The following PUDP variants were observed in gnomAD, a reference collection of about 807,000 sequenced individuals.
PUDP encodes the protein pseudouridine-5'-phosphatase.
Under a neutral mutation model 9.4 loss-of-function variants are expected in PUDP, and 8 were observed. The observed-to-expected ratio is 0.85, with a 90% CI of 0.50 to 1.53. The LOEUF (loss-of-function observed/expected upper bound fraction) is 1.53, where lower values mean the gene tolerates loss of function less well. PUDP is among the 40% of genes most tolerant of loss of function. The pLI, the probability that PUDP is intolerant of heterozygous loss-of-function variation, is 0.00. For missense variants in PUDP, 188 were observed against 189.7 expected (o/e 0.99, Z 0.05); for synonymous variants, 99 against 80.7 (o/e 1.23, Z -1.22).
intron 1 of PUDP, among the ~76,000 whole-genome samples, chrX:7,144,663 C>G (rs1379184248): frequency 1.8e-5 from 2 of 111,294 alleles, no homozygotes; most frequent in African/African-American, 6.5e-5. Context: ...CAAAAAGGCA[C>G]AGAAGAGGTC....
At chrX:6,752,457 G>A (rs367859285) in intron 3 of PUDP, among the ~76,000 whole-genome samples, 30 of 111,938 alleles carry the variant, frequency 2.7e-4, no homozygotes, top group African/African-American at 8.4e-4. Context: ...GCCTGATCCA[G>A]GCTGTCCTTT....
intron 3 of PUDP, among the ~76,000 whole-genome samples, chrX:6,741,758 C>A (rs1202575474): frequency 1.8e-5 from 2 of 111,188 alleles, no homozygotes; most frequent in East Asian, 5.6e-4. Context: ...ATTTTTTCTC[C>A]TCAAAGTAGA....
intron 3 of PUDP, among the ~76,000 whole-genome samples, chrX:6,853,962 T>C (rs1926867367): frequency 9.0e-6 from 1 of 110,683 alleles, no homozygotes; most frequent in African/African-American, 3.3e-5. Flanking sequence ...TGGGGTTTTG[T>C]CATGTTGCCC....
chrX:6,707,422 C>T (rs1924483331), intron 1 of PUDP, among the ~76,000 whole-genome samples: 1 of 111,780 alleles, frequency 8.9e-6, no homozygotes, highest in Admixed American at 9.6e-5. Flanking sequence ...ATTATTATTA[C>T]ATTGTAATAT....
intron 3 of PUDP, among the ~76,000 whole-genome samples, chrX:6,905,848 T>A (rs1040748966): frequency 5.4e-5 from 6 of 111,692 alleles, no homozygotes; most frequent in African/African-American, 2.0e-4. Flanking sequence ...AATAAAAACA[T>A]TGCAATGATA....
chrX:7,103,895 T>C (rs1319065800), intron 2 of PUDP, among the ~76,000 whole-genome samples: 2 of 111,857 alleles, frequency 1.8e-5, no homozygotes, highest in African/African-American at 6.5e-5. Context: ...ATCCAGGAAA[T>C]GGCAAGAGTT....
intron 3 of PUDP, among the ~76,000 whole-genome samples, chrX:6,925,149 T>C (rs1039684383): frequency 2.7e-5 from 3 of 112,377 alleles, no homozygotes; most frequent in Non-Finnish European, 5.6e-5. Context: ...ACCTTGTCTC[T>C]ACTAAAAATA....
At chrX:7,027,374 G>A (rs139089740) in intron 1 of PUDP, among the ~76,000 whole-genome samples, 46 of 110,411 alleles carry the variant, frequency 4.2e-4, no homozygotes, top group African/African-American at 1.5e-3. Context: ...ATGTACGCAG[G>A]TGTCTTCTAA....
intron 3 of PUDP, among the ~76,000 whole-genome samples, chrX:6,914,808 T>C (rs1383686651): frequency 1.8e-5 from 2 of 112,671 alleles, no homozygotes; most frequent in East Asian, 2.8e-4. Flanking sequence ...CTAAATGAAA[T>C]AGAGCCCAAT....
intron 1 of PUDP, among the ~76,000 whole-genome samples, chrX:6,715,554 T>A (rs1202947647): frequency 8.9e-6 from 1 of 112,386 alleles, no homozygotes; most frequent in Non-Finnish European, 1.9e-5. Context: ...GATGCCTTAA[T>A]CAGTGAAACT....
At chrX:6,883,719 G>C (rs1394036272) in intron 3 of PUDP, among the ~76,000 whole-genome samples, 3 of 111,113 alleles carry the variant, frequency 2.7e-5, no homozygotes, top group Non-Finnish European at 5.7e-5. Flanking sequence ...TAATTATTAT[G>C]TTTTGTATTC....
intron 3 of PUDP, among the ~76,000 whole-genome samples, chrX:6,831,196 C>T (rs1340967224): frequency 1.8e-5 from 2 of 111,745 alleles, no homozygotes; most frequent in Non-Finnish European, 3.8e-5. Context: ...GCAGGGTCTG[C>T]AAAATATCTC....
chrX:6,757,524 G>C (rs1925182881), intron 3 of PUDP, among the ~76,000 whole-genome samples: 1 of 111,283 alleles, frequency 9.0e-6, no homozygotes, highest in African/African-American at 3.3e-5. Context: ...ATCAACAAGA[G>C]ATAAATTATT....
rs189338275 is a variant in PUDP at position 6,801,866 on chromosome X, G to A, written c.*248-95400C>T. Among the ~76,000 whole-genome samples the A allele has an allele frequency of 5.1e-4, 57 of 112,058 alleles. 1 individual carries two copies. Among genetic ancestry groups the A allele is most frequent in the African/African-American group, 1.7e-3 (54 of 30,869 alleles). ...TGGTAAATTCGGCTTCAAAGAGAGC[G>A]ATGAGCGAAGATGTGTTGGCTGCCT... is the stretch of plus-strand genomic sequence containing the variant. On this transcript the variant is annotated intron_variant and NMD_transcript_variant, in intron 3 of 3. Coordinates refer to the PUDP transcript ENST00000655425.
At chrX:6,913,941 A>C (rs1413951482) in intron 3 of PUDP, among the ~76,000 whole-genome samples, 1 of 110,563 alleles carries the variant, frequency 9.0e-6, no homozygotes, top group Non-Finnish European at 1.9e-5. Flanking sequence ...TAAATATAAA[A>C]TCACAGTTAC....
chrX:7,112,455 CT>C (rs1368591747), intron 1 of PUDP, among the ~76,000 whole-genome samples: 3 of 111,932 alleles, frequency 2.7e-5, no homozygotes, highest in Non-Finnish European at 3.8e-5. Context: ...CTACTTAATG[CT>C]TTTTTTCTCC....
At chrX:6,843,209 CA>C (rs765613784) in intron 3 of PUDP, among the ~76,000 whole-genome samples, 20 of 112,598 alleles carry the variant, frequency 1.8e-4, no homozygotes, top group African/African-American at 6.1e-4. Context: ...ACAGGCTAAA[CA>C]GGGGCACCCT....
chrX:6,909,332 G>T (rs1460344512), intron 3 of PUDP, among the ~76,000 whole-genome samples: 1 of 111,802 alleles, frequency 8.9e-6, no homozygotes, highest in Non-Finnish European at 1.9e-5. Flanking sequence ...ATGGTAGTAT[G>T]GTAGTACTTT....
chrX:7,099,623 A>C (rs62588747), intron 2 of PUDP, among the ~76,000 whole-genome samples: 36,456 of 110,579 alleles, frequency 0.33, 4,596 homozygotes, highest in Middle Eastern at 0.47. Context: ...GTGCGAGTGC[A>C]TCAGGGCCAC....
Sources: allele counts gnomAD v4.1 joint callset (sites outside exome capture counted in the v4.1 genomes callset), GRCh38; gene constraint gnomAD v4.1.1; transcripts MANE v1.5; gene names NCBI Gene and HGNC (gene_info 2026-07-23, HGNC 2026-07-21).